TMEM132B: variants seen among roughly 807,000 people sequenced by gnomAD.
The protein encoded by TMEM132B is transmembrane protein 132B.
TMEM132B carries 18 observed loss-of-function variants against 90.8 expected under a neutral mutation model. That is an observed-to-expected ratio of 0.20 (90% CI 0.14 to 0.29). The LOEUF (loss-of-function observed/expected upper bound fraction) is 0.29, where lower values mean the gene tolerates loss of function less well. Ranked by LOEUF, TMEM132B falls within the 10% of genes least tolerant of loss-of-function variation. The pLI, the probability that TMEM132B is intolerant of heterozygous loss-of-function variation, is 1.00. For missense variants in TMEM132B, 1,096 were observed against 1,326.8 expected, an observed-to-expected ratio of 0.83 and a Z score of 2.70; for synonymous variants, 504 against 523.3, an observed-to-expected ratio of 0.96 and a Z score of 0.50.
intron 2 of TMEM132B, among the ~76,000 whole-genome samples, chr12:125,363,668 C>A (rs1301600932): frequency 6.6e-6 from 1 of 152,112 alleles, no homozygotes; most frequent in Admixed American, 6.5e-5. Flanking sequence ...TTATGTACTT[C>A]TTTTCAATGA....
At chr12:125,648,524 T>G (rs1337227776) in intron 6 of TMEM132B, among the ~76,000 whole-genome samples, 6 of 139,590 alleles carry the variant, frequency 4.3e-5, no homozygotes, top group Non-Finnish European at 7.6e-5. Context: ...GTGTATAAGA[T>G]CTCCTGTTTT....
chr12:125,373,357 C>G (rs1878360654), intron 2 of TMEM132B, among the ~76,000 whole-genome samples: 1 of 152,098 alleles, frequency 6.6e-6, no homozygotes, highest in South Asian at 2.1e-4. Context: ...GGATATAGGG[C>G]CTTTAAAGAA....
At chr12:125,561,098 A>G (rs1259064037) in intron 4 of TMEM132B, among the ~76,000 whole-genome samples, 1 of 152,216 alleles carries the variant, frequency 6.6e-6, no homozygotes, top group East Asian at 1.9e-4. Context: ...CACTATTCAC[A>G]ATAGCAAAGG....
intron 5 of TMEM132B, among the ~76,000 whole-genome samples, chr12:125,599,372 T>C (rs1490043256): frequency 6.6e-6 from 1 of 152,194 alleles, no homozygotes; most frequent in Non-Finnish European, 1.5e-5. Flanking sequence ...CAGTCTCAGG[T>C]ATGTCTTTGT....
intron 1 of TMEM132B, among the ~76,000 whole-genome samples, chr12:125,217,133 G>A (rs1031524028): frequency 4.6e-5 from 7 of 152,224 alleles, no homozygotes; most frequent in Non-Finnish European, 1.0e-4. Context: ...TCAATTAAAA[G>A]TTATGGTGAT....
chr12:125,227,289 C>T (rs1267166287), intron 1 of TMEM132B, among the ~76,000 whole-genome samples: 2 of 152,190 alleles, frequency 1.3e-5, no homozygotes, highest in African/African-American at 2.4e-5. Context: ...AAGCACTTCA[C>T]ATGTATTAAC....
chr12:125,528,373 G>A (rs959887083), intron 4 of TMEM132B, among the ~76,000 whole-genome samples: 2 of 152,222 alleles, frequency 1.3e-5, no homozygotes, highest in African/African-American at 4.8e-5. Context: ...AAAAAAATGA[G>A]CACACTTGTG....
At chr12:125,598,386 A>G (rs1885493265) in intron 5 of TMEM132B, among the ~76,000 whole-genome samples, 1 of 152,194 alleles carries the variant, frequency 6.6e-6, no homozygotes, top group South Asian at 2.1e-4. Context: ...ACAAAAGTTC[A>G]GGGACCATGG....
chr12:125,617,048 C>T (rs1178041583), intron 5 of TMEM132B, among the ~76,000 whole-genome samples: 1 of 152,180 alleles, frequency 6.6e-6, no homozygotes, highest in Non-Finnish European at 1.5e-5. Context: ...GTTTAAACCA[C>T]CCAGTGTATG....
At chr12:125,259,810 A>C (rs56008461) in intron 1 of TMEM132B, among the ~76,000 whole-genome samples, 1 of 152,166 alleles carries the variant, frequency 6.6e-6, no homozygotes, top group East Asian at 1.9e-4. Context: ...GAGAACGCGC[A>C]TACTGGTAAG....
chr12:125,225,029 A>T (rs1873646438), intron 1 of TMEM132B, among the ~76,000 whole-genome samples: 1 of 152,226 alleles, frequency 6.6e-6, no homozygotes, highest in Non-Finnish European at 1.5e-5. Flanking sequence ...GAGGTGTGGG[A>T]TACCACATGC....
intron 1 of TMEM132B, among the ~76,000 whole-genome samples, chr12:125,191,256 G>GGGGTGGTGATGAAAGC (rs1872781422): frequency 6.6e-6 from 1 of 151,760 alleles, no homozygotes; most frequent in Non-Finnish European, 1.5e-5. Flanking sequence ...TGATGGGGAA[G>GGGGTGGTGATGAAAGC]GGGTGGTGAT....
intron 1 of TMEM132B, among the ~76,000 whole-genome samples, chr12:125,249,020 C>T (rs1399688220): frequency 6.6e-6 from 1 of 152,180 alleles, no homozygotes; most frequent in East Asian, 1.9e-4. Flanking sequence ...CCCTTATGAG[C>T]ATGTGACCTC....
intron 5 of TMEM132B, among the ~76,000 whole-genome samples, chr12:125,628,075 A>G (rs1424200237): frequency 2.6e-5 from 4 of 152,044 alleles, no homozygotes; most frequent in Non-Finnish European, 5.9e-5. Flanking sequence ...GATGCTTCCA[A>G]ATCTTGGCTA....
intron 2 of TMEM132B, among the ~76,000 whole-genome samples, chr12:125,400,253 ACTTT>A (rs1170033602): frequency 2.6e-5 from 4 of 152,334 alleles, no homozygotes; most frequent in African/African-American, 9.6e-5. Flanking sequence ...TTAGTATTTG[ACTTT>A]CTTAGACGAG....
chr12:125,211,656 G>A lies in TMEM132B; in HGVS notation c.67+24790G>A, dbSNP rs1028368833. On this transcript the variant is annotated intron_variant, in intron 1 of 8. Coordinates refer to ENST00000682704, the MANE Select transcript of TMEM132B (RefSeq NM_001366854.1). ...AAATAGAAGGCAGCATGCACATTGC[G>A]ACCGCCCTCATTCCTTCCACCCGCT... Among the ~76,000 whole-genome samples, 7 of 152,190 alleles carry A rather than the reference G, an allele frequency of 4.6e-5. No individual in the cohort carries two copies. In the South Asian group the frequency reaches 6.2e-4, roughly 14 times the overall value.
Position 125,662,024 on chromosome 12 carries a change from T to C in TMEM132B, c.*7314T>C, listed in dbSNP as rs1316870769. On this transcript the variant is annotated 3_prime_UTR_variant, in exon 9 of 9. Transcript: ENST00000682704. ...TGGACCGGATCTCAGCTGCAGAACATAGTGAGTGGCCAAACCTACACAGCC... is the reference window on the plus strand; with the variant it reads ...TGGACCGGATCTCAGCTGCAGAACACAGTGAGTGGCCAAACCTACACAGCC... The C allele has an allele frequency of 4.6e-5, 7 of 152,194 alleles. No homozygotes were observed. The highest frequency in any genetic ancestry group is 4.1e-4 in the South Asian group (2 of 4,832). The allele number at this position is 152,194 out of a possible 1,614,324, so 9.4% of individuals were successfully genotyped here.
intron 1 of TMEM132B, among the ~76,000 whole-genome samples, chr12:125,280,143 G>T (rs1466124619): frequency 6.6e-6 from 1 of 152,152 alleles, no homozygotes; most frequent in Non-Finnish European, 1.5e-5. Context: ...CTCCAAAAAC[G>T]TAGGACTCTC....
At chr12:125,551,001 C>T (rs1884215498) in intron 4 of TMEM132B, among the ~76,000 whole-genome samples, 1 of 152,194 alleles carries the variant, frequency 6.6e-6, no homozygotes, top group South Asian at 2.1e-4. Context: ...TTAGTAGAGA[C>T]AGAATTTCAC....
Sources: allele counts gnomAD v4.1 joint callset (sites outside exome capture counted in the v4.1 genomes callset), GRCh38; gene constraint gnomAD v4.1.1; transcripts MANE v1.5; gene names NCBI Gene and HGNC (gene_info 2026-07-23, HGNC 2026-07-21).